Variants in TBC1D8 observed in about 807,000 individuals in gnomAD.
TBC1D8 encodes the protein TBC1 domain family member 8.
A neutral mutation model predicts 118.8 loss-of-function variants in TBC1D8; 65 were observed. That is an observed-to-expected ratio of 0.55 (90% CI 0.45 to 0.67). The LOEUF (loss-of-function observed/expected upper bound fraction) is 0.67. Among genes scored for constraint, TBC1D8 ranks in the 30% least tolerant of loss-of-function variants. The pLI is 0.00. For missense variants in TBC1D8, 1,376 were observed against 1,471.2 expected (o/e 0.94, Z 1.06); for synonymous variants, 566 against 595.8 (o/e 0.95, Z 0.73).
intron 4 of TBC1D8, among the ~76,000 whole-genome samples, chr2:101,053,009 T>C (rs1220463529): frequency 1.3e-5 from 2 of 152,220 alleles, no homozygotes; most frequent in African/African-American, 2.4e-5. Flanking sequence ...TGCCCTGCAT[T>C]GAAGGAGCTT....
At chr2:101,054,713 G>C (rs374173181) in intron 3 of TBC1D8, among the ~76,000 whole-genome samples, 1,285 of 50,756 alleles carry the variant, frequency 0.025, 26 homozygotes, top group African/African-American at 0.089. Flanking sequence ...ACGGAGTTTT[G>C]TTCTTGTTGC....
At chr2:101,053,024 A>G (rs1248655040) in intron 4 of TBC1D8, among the ~76,000 whole-genome samples, 3 of 152,252 alleles carry the variant, frequency 2.0e-5, no homozygotes, top group Admixed American at 1.3e-4. Context: ...GAGCTTGTTC[A>G]CACAGAGAAA....
At chr2:101,122,567 G>C (rs1480746303) in intron 1 of TBC1D8, among the ~76,000 whole-genome samples, 1 of 152,108 alleles carries the variant, frequency 6.6e-6, no homozygotes, top group East Asian at 1.9e-4. Flanking sequence ...TAAATAGCTA[G>C]TTCATGACTG....
intron 1 of TBC1D8, among the ~76,000 whole-genome samples, chr2:101,114,247 A>G (rs2104215757): frequency 6.6e-6 from 1 of 152,318 alleles, no homozygotes; most frequent in East Asian, 1.9e-4. Flanking sequence ...ACAGAGGCAT[A>G]AAATTATATC....
chr2:101,075,107 A>G (rs909635269), intron 2 of TBC1D8, among the ~76,000 whole-genome samples: 3 of 152,208 alleles, frequency 2.0e-5, no homozygotes, highest in Admixed American at 2.0e-4. Context: ...CAGTTTAGTC[A>G]TAGAAGTCGG....
chr2:101,040,350 C>T lies in TBC1D8; in HGVS notation c.908G>A (p.Arg303Gln), dbSNP rs753047825. The change falls in exon 6 of 20, where the codon CGG becomes CAG. Residue 303 changes from arginine to glutamine, a missense_variant. Arg to Gln is a conservative substitution (Grantham distance 43). Transcript: ENST00000409318. ...LEARAQNEFF[R>Q]AFFRLPRKEK... ...CTTCCTCGGCAACCTGAAGAAAGCCCGGAAGAACTCATTCTGTGCTCTGGC... is the reference window on the plus strand; with the variant it reads ...CTTCCTCGGCAACCTGAAGAAAGCCTGGAAGAACTCATTCTGTGCTCTGGC... 48 of 1,609,492 alleles carry T rather than the reference C, an allele frequency of 3.0e-5. No individual in the cohort carries two copies. Among genetic ancestry groups the T allele is most frequent in the Non-Finnish European group, 3.6e-5 (42 of 1,177,632 alleles).
intron 1 of TBC1D8, among the ~76,000 whole-genome samples, chr2:101,104,603 G>A (rs575698045): frequency 3.7e-4 from 57 of 152,284 alleles, no homozygotes; most frequent in African/African-American, 1.4e-3. Flanking sequence ...AACAAACGGT[G>A]CTAAATCACT....
intron 1 of TBC1D8, among the ~76,000 whole-genome samples, chr2:101,121,335 C>T (rs143694856): frequency 6.6e-6 from 1 of 152,314 alleles, no homozygotes; most frequent in African/African-American, 2.4e-5. Context: ...GGGACTGCGA[C>T]AAGCTCCACC....
intron 1 of TBC1D8, among the ~76,000 whole-genome samples, chr2:101,096,431 A>AAC (rs1437707211): frequency 1.3e-5 from 2 of 149,672 alleles, no homozygotes; most frequent in African/African-American, 2.4e-5. Context: ...AAAAAAAAAA[A>AAC]AAAAAAAAAA....
In TBC1D8 at chr2:101,054,321, C is replaced by A; in HGVS notation, c.418G>T (p.Glu140Ter). Reference protein sequence around the residue: ...KGKVKALIAEETSSRLAEQEE... With the variant: ...KGKVKALIAE ...TGCTCGGCGAGCCTGCTGCTGGTCT[C>A]CTCGGCTATCAGAGCCTGACACACA... Residue 140 changes from glutamate to a stop codon, truncating the protein, a stop_gained, in exon 4 of 20, where the codon GAG (glutamate) becomes TAG (stop). Coordinates refer to ENST00000409318, the MANE Select transcript of TBC1D8 (RefSeq NM_001330348.2). LOFTEE classifies it high-confidence loss of function. 6.4e-7 allele frequency: 1 copy of A among 1,563,722 alleles called. No homozygotes were observed. The highest frequency in any genetic ancestry group is 2.4e-5 in the East Asian group (1 of 41,998).
chr2:101,112,446 G>A (rs909633403), intron 1 of TBC1D8, among the ~76,000 whole-genome samples: 3 of 152,158 alleles, frequency 2.0e-5, no homozygotes, highest in East Asian at 1.9e-4. Flanking sequence ...GAAAGGCCAG[G>A]GCCATAATGG....
rs1558960632 is a variant in TBC1D8, at chr2:101,007,466, G to GA, written c.*354dup. On this transcript the variant is annotated 3_prime_UTR_variant, in exon 20 of 20. Coordinates refer to ENST00000409318, the MANE Select transcript of TBC1D8 (RefSeq NM_001330348.2). Reference sequence around the variant, plus strand: ...GACCTCTCCCATTGTCACTCCAAGTGAAAAATGAAAGCATGGGGCTTTTCT... The same window carrying GA: ...GACCTCTCCCATTGTCACTCCAAGTGAAAAAATGAAAGCATGGGGCTTTTCT... 1.3e-5 allele frequency among the ~76,000 whole-genome samples: 2 copies of GA among 152,208 alleles called. No individual in the cohort carries two copies. Among genetic ancestry groups the GA allele is most frequent in the African/African-American group, 4.8e-5 (2 of 41,452 alleles).
chr2:101,067,556 G>A (rs1309872770), intron 2 of TBC1D8, among the ~76,000 whole-genome samples: 4 of 152,166 alleles, frequency 2.6e-5, no homozygotes, highest in East Asian at 3.9e-4. Context: ...TTAAGTGTGC[G>A]AAAGCATTAC....
chr2:101,016,517 G>T lies in TBC1D8; in HGVS notation c.2828-4977C>A, dbSNP rs537502038. Among the ~76,000 whole-genome samples, 546 of 152,276 alleles carry T rather than the reference G, an allele frequency of 3.6e-3. 2 individuals carry two copies. The highest frequency in any genetic ancestry group is 0.012 in the African/African-American group (509 of 41,568). ...CAACCCTTGTGGAAGTCAGTGTGGC[G>T]ATTCCTCAGGGATCTAGAACTAGAA... is the stretch of plus-strand genomic sequence containing the variant. On this transcript the variant is annotated intron_variant, in intron 17 of 19. Coordinates refer to ENST00000409318, the MANE Select transcript of TBC1D8 (RefSeq NM_001330348.2).
At chr2:101,051,023 T>G (rs1682037711) in intron 4 of TBC1D8, among the ~76,000 whole-genome samples, 1 of 152,210 alleles carries the variant, frequency 6.6e-6, no homozygotes, top group Admixed American at 6.5e-5. Flanking sequence ...TTGGTTTTCT[T>G]GCGTGTTAAT....
intron 6 of TBC1D8, 62 bp from the exon 7 acceptor site, chr2:101,038,717 A>G (rs1441891293): frequency 5.8e-6 from 9 of 1,562,244 alleles, no homozygotes; most frequent in Non-Finnish European, 7.9e-6. Flanking sequence ...GTTATTACAT[A>G]TGCAGAAGAT....
rs768890588 is a variant in TBC1D8 at position 101,028,327 on chromosome 2, C to G, written c.2328G>C (p.Ser776=). 4 of 1,612,598 alleles carry G rather than the reference C, an allele frequency of 2.5e-6. No individual in the cohort carries two copies. The highest frequency in any genetic ancestry group is 1.1e-5 in the South Asian group (1 of 90,856). The change falls in exon 13 of 20, where the codon TCG becomes TCC. Residue 776 remains serine, a synonymous_variant. Coordinates refer to ENST00000409318, the MANE Select transcript of TBC1D8 (RefSeq NM_001330348.2). ...CCTCATAGGAATCCCGGATCAGGTCCGAAATATCAGTCACAGGGTAGGGCT... is the reference window on the plus strand; with the variant it reads ...CCTCATAGGAATCCCGGATCAGGTCGGAAATATCAGTCACAGGGTAGGGCT... ...DQEPYPVTDI[S]DLIRDSYEKF... is the part of the protein sequence containing the mutation.
chr2:101,101,176 C>A (rs1428433009), intron 1 of TBC1D8, among the ~76,000 whole-genome samples: 1 of 152,082 alleles, frequency 6.6e-6, no homozygotes, highest in African/African-American at 2.4e-5. Flanking sequence ...CCAGAAGTTA[C>A]AAGGAACTTA....
chr2:101,017,814 A>G (rs559874096), intron 17 of TBC1D8: 20 of 1,545,876 alleles, frequency 1.3e-5, no homozygotes, highest in Non-Finnish European at 1.7e-5. Flanking sequence ...ATTAGTTTTC[A>G]TACTAATACT....
Sources: gnomAD v4.1 joint callset for allele counts (sites outside exome capture counted in the v4.1 genomes callset) on GRCh38, gnomAD v4.1.1 for gene constraint, MANE v1.5 for transcripts, NCBI Gene and HGNC (gene_info 2026-07-23, HGNC 2026-07-21) for gene names.